The following DAGLB variants were observed in gnomAD, a reference collection of about 807,000 sequenced individuals.
DAGLB encodes diacylglycerol lipase beta.
Under a neutral mutation model 72.1 loss-of-function variants are expected in DAGLB, and 66 were observed. That is an observed-to-expected ratio of 0.92 (90% CI 0.75 to 1.12). DAGLB has a LOEUF of 1.12. Among genes scored for constraint, DAGLB ranks in the 50% most tolerant of loss-of-function variants. The pLI, the probability that DAGLB is intolerant of heterozygous loss-of-function variation, is 0.00. For missense variants in DAGLB, 1,065 were observed against 884.9 expected, an observed-to-expected ratio of 1.20 and a Z score of -2.58; for synonymous variants, 414 against 359.5, an observed-to-expected ratio of 1.15 and a Z score of -1.71.
intron 7 of DAGLB, 87 bp from the exon 8 acceptor site, chr7:6,424,922 A>G: frequency 7.5e-7 from 1 of 1,326,608 alleles, no homozygotes; most frequent in East Asian, 2.3e-5. Context: ...GTCTGCAATG[A>G]CAGCCCAAGT....
chr7:6,430,462 C>G lies in DAGLB; in HGVS notation c.929+18G>C, dbSNP rs143418362. The G allele has an allele frequency of 1.6e-3, 2,416 of 1,493,648 alleles. 35 individuals are homozygous for G. The African/African-American group carries it at 0.03, about 19-fold the overall frequency. The allele number at this position is 1,493,648 out of a possible 1,614,324, so 92.5% of individuals were successfully genotyped here. ...TAAGGGAAATATGGCTATGGAGGCT[C>G]AGACTGTGCCAACCCACCAGTCACC... On this transcript the variant is annotated intron_variant, in intron 6 of 14. Transcript: ENST00000297056.
At chr7:6,420,607 TTG>T (rs1342254281) in intron 9 of DAGLB, among the ~76,000 whole-genome samples, 1 of 152,142 alleles carries the variant, frequency 6.6e-6, no homozygotes, top group African/African-American at 2.4e-5. Flanking sequence ...GGTTCAGAGC[TTG>T]TGTTAGGGGT....
At chr7:6,439,246 C>G (rs1281447285) in intron 2 of DAGLB, among the ~76,000 whole-genome samples, 1 of 148,820 alleles carries the variant, frequency 6.7e-6, no homozygotes, top group Non-Finnish European at 1.5e-5. Flanking sequence ...CAGAGTGAGA[C>G]TCTATCTCAA....
intron 6 of DAGLB, among the ~76,000 whole-genome samples, chr7:6,430,250 C>CGCATATATATATATAT (rs1554267534): frequency 4.4e-5 from 2 of 45,748 alleles, no homozygotes; most frequent in South Asian, 2.1e-3. Context: ...AATACATGTG[C>CGCATATATATATATAT]ATATATATAT....
rs371234123 is a variant in DAGLB at position 6,416,889 on chromosome 7, T to C, written c.1251A>G (p.Gln417=). The change falls in exon 10 of 15, where the codon CAA becomes CAG. Residue 417 remains glutamine (Q), a synonymous_variant. Coordinates refer to ENST00000297056, the MANE Select transcript of DAGLB (RefSeq NM_139179.4). ...GISQAARYVY[Q]RLINDGILSQ... ...TCAAAATCCCGTCGTTGATGAGTCGTTGGTAAACGTATCTGGCAGCTTGAG... is the reference window on the plus strand; with the variant it reads ...TCAAAATCCCGTCGTTGATGAGTCGCTGGTAAACGTATCTGGCAGCTTGAG... The C allele has an allele frequency of 5.6e-6, 9 of 1,614,062 alleles. No homozygotes were observed. Among genetic ancestry groups the C allele is most frequent in the East Asian group, 2.2e-5 (1 of 44,896 alleles).
chr7:6,426,741 C>T (rs1166327064), intron 6 of DAGLB, among the ~76,000 whole-genome samples: 1 of 152,198 alleles, frequency 6.6e-6, no homozygotes, highest in Non-Finnish European at 1.5e-5. Context: ...TCCAAATGAA[C>T]AGCACAGCCA....
Position 6,410,880 on chromosome 7 carries a change from A to ATT in DAGLB, c.1570-502_1570-501dup, listed in dbSNP as rs35960882. Among the ~76,000 whole-genome samples the ATT allele has an allele frequency of 7.9e-3, 776 of 98,132 alleles. 14 individuals are homozygous for ATT. The highest frequency in any genetic ancestry group is 0.035 in the East Asian group (109 of 3,156). The allele number at this position is 98,132 out of a possible 152,430, so 64.4% of individuals were successfully genotyped here. A position where few individuals can be genotyped will look rare whatever the true frequency, so the allele number is the denominator to read the frequency against. On this transcript the variant is annotated intron_variant, in intron 13 of 14. Coordinates refer to ENST00000297056, the MANE Select transcript of DAGLB (RefSeq NM_139179.4). ...CCACCATGCCCGGCTAATTTTTTGT[A>ATT]TTTTTTTTTTTTTTTTTTTTTTGAG...
In DAGLB at chr7:6,416,616, CAA is replaced by C. The variant is rs1055836384; in HGVS notation, c.1427+9_1427+10del. The C allele has an allele frequency of 2.1e-5, 34 of 1,584,362 alleles. No individual in the cohort carries two copies. The highest frequency in any genetic ancestry group is 2.7e-5 in the Non-Finnish European group (31 of 1,167,588). On this transcript the variant is annotated intron_variant, in intron 11 of 14. Coordinates refer to ENST00000297056, the MANE Select transcript of DAGLB (RefSeq NM_139179.4). ...GTAGCAAGCTGTTAGAGCAGGAAAACAAAGGCTCACCTCCACAGCCCCCGGGG... is the reference window on the plus strand; with the variant it reads ...GTAGCAAGCTGTTAGAGCAGGAAAACAGGCTCACCTCCACAGCCCCCGGGG...
chr7:6,414,824 A>C (rs1480260419), intron 11 of DAGLB, among the ~76,000 whole-genome samples: 10 of 152,168 alleles, frequency 6.6e-5, no homozygotes, highest in African/African-American at 2.4e-4. Flanking sequence ...CGATGGAAAA[A>C]AAAAATACTT....
intron 2 of DAGLB, among the ~76,000 whole-genome samples, chr7:6,442,373 A>C (rs1583303246): frequency 1.3e-5 from 2 of 152,138 alleles, no homozygotes; most frequent in African/African-American, 4.8e-5. Flanking sequence ...AACGGAGTGA[A>C]TATGAGCATC....
rs1288936012 is a variant in DAGLB at position 6,432,859 on chromosome 7, C to T, written c.779G>A (p.Cys260Tyr). The change falls in exon 5 of 15, where the codon TGC becomes TAC. Residue 260 changes from cysteine (C) to tyrosine (Y), a missense_variant. Transcript: ENST00000297056. ...RNNQEPAQVV[C>Y]HAPGSSQEAD... ...CACCTGGGAGCTCCCTGGGGCATGG[C>T]AGACCACCTGGGCAGGCTCTTGGTT... 4.3e-6 allele frequency: 7 copies of T among 1,613,674 alleles called. No homozygotes were observed. The highest frequency in any genetic ancestry group is 1.3e-5 in the African/African-American group (1 of 74,916).
rs540514794 is a variant in DAGLB at position 6,438,942 on chromosome 7, C to T, written c.248-2409G>A. Among the ~76,000 whole-genome samples the T allele has an allele frequency of 5.3e-5, 8 of 152,106 alleles. No homozygotes were observed. In the South Asian group the frequency reaches 6.2e-4, roughly 12 times the overall value. ...TGCCTGCCTAGAAAAAATTTCTGGC[C>T]GGGTGCGGTGGCTCACGCCTGTAAT... On this transcript the variant is annotated intron_variant, in intron 2 of 14. Coordinates refer to ENST00000297056, the MANE Select transcript of DAGLB (RefSeq NM_139179.4).
chr7:6,422,647 C>T (rs1222163794), intron 8 of DAGLB: 4 of 153,196 alleles, frequency 2.6e-5, no homozygotes, highest in African/African-American at 4.8e-5. Flanking sequence ...GAAAAGCAAA[C>T]ACCGCATGGT....
rs568706480 is a variant in DAGLB at position 6,410,533 on chromosome 7, G to A, written c.1570-153C>T. On this transcript the variant is annotated intron_variant, in intron 13 of 14. Transcript: ENST00000297056. ...CAGCAAAGATGCACCGGCGAGCTGT[G>A]CTGGGTGGCAGCCACCTCGGCTCAG... Among the ~76,000 whole-genome samples the A allele has an allele frequency of 4.6e-5, 7 of 152,300 alleles. No homozygotes were observed. The East Asian group carries it at 9.7e-4, about 21-fold the overall frequency.
chr7:6,425,689 C>A (rs1203029196), intron 7 of DAGLB, among the ~76,000 whole-genome samples: 3 of 152,174 alleles, frequency 2.0e-5, no homozygotes, highest in Non-Finnish European at 2.9e-5. Context: ...TCCCAGAAGG[C>A]CATGCGGCAT....
intron 1 of DAGLB, 152 bp downstream of exon 1, chr7:6,447,596 G>A (rs578224302): frequency 7.2e-6 from 8 of 1,103,710 alleles, no homozygotes; most frequent in African/African-American, 4.8e-5. Context: ...CCACCTCTTC[G>A]GGCAGTGGTG....
At chr7:6,423,816 T>G (rs1252266885) in intron 8 of DAGLB, among the ~76,000 whole-genome samples, 1 of 151,830 alleles carries the variant, frequency 6.6e-6, no homozygotes, top group Admixed American at 6.6e-5. Context: ...GTCGATCTCT[T>G]GACCTTGTGA....
At chr7:6,427,398 C>T (rs1784347627) in intron 6 of DAGLB, among the ~76,000 whole-genome samples, 1 of 152,126 alleles carries the variant, frequency 6.6e-6, no homozygotes, top group South Asian at 2.1e-4. Flanking sequence ...ATGATGCCAG[C>T]ACTTTGGGAG....
At chr7:6,445,307 A>G (rs1784963158) in intron 2 of DAGLB, among the ~76,000 whole-genome samples, 1 of 152,244 alleles carries the variant, frequency 6.6e-6, no homozygotes, top group East Asian at 1.9e-4. Flanking sequence ...AAAATGAAGT[A>G]CTGATACATG....
Sources: allele counts gnomAD v4.1 joint callset (sites outside exome capture counted in the v4.1 genomes callset), GRCh38; gene constraint gnomAD v4.1.1; transcripts MANE v1.5; gene names NCBI Gene and HGNC (gene_info 2026-07-23, HGNC 2026-07-21).